Variants in ANO9 observed in about 807,000 individuals in gnomAD.
The protein encoded by ANO9 is anoctamin 9.
ANO9 carries 80 observed loss-of-function variants against 100.5 expected under a neutral mutation model. The observed-to-expected ratio is 0.80, with a 90% confidence interval of 0.66 to 0.96. The LOEUF is 0.96. ANO9 is among the 40% of genes least tolerant of loss of function. The pLI is 0.00. For missense variants in ANO9, 1,064 were observed against 1,072.7 expected (o/e 0.99, Z 0.11); for synonymous variants, 473 against 435.6 (o/e 1.09, Z -1.07).
intron 13 of ANO9, 35 bp from the exon 14 acceptor site, chr11:428,429 C>T (rs1208963996): frequency 1.6e-5 from 26 of 1,612,594 alleles, no homozygotes; most frequent in Non-Finnish European, 1.9e-5. Flanking sequence ...CTCACTGGGG[C>T]TCCGGTGGAC....
intron 15 of ANO9, among the ~76,000 whole-genome samples, chr11:424,290 G>T (rs1324895505): frequency 6.6e-6 from 1 of 152,192 alleles, no homozygotes; most frequent in Non-Finnish European, 1.5e-5. Flanking sequence ...AGTGTAACAT[G>T]AGAAACCAGG....
intron 15 of ANO9, among the ~76,000 whole-genome samples, chr11:426,370 G>A (rs1040657625): frequency 3.3e-5 from 5 of 151,808 alleles, no homozygotes; most frequent in African/African-American, 7.3e-5. Context: ...CCAGGAGTTC[G>A]AGACAAGCCT....
chr11:439,767 G>T (rs890296813), intron 1 of ANO9, among the ~76,000 whole-genome samples: 4 of 152,102 alleles, frequency 2.6e-5, no homozygotes, highest in Non-Finnish European at 4.4e-5. Flanking sequence ...CCCAGCCCAC[G>T]CATCCTCTGA....
At chr11:427,984 A>T (rs1202632662) in intron 15 of ANO9, 104 bp downstream of exon 15, 2 of 83,840 alleles carry the variant, frequency 2.4e-5, no homozygotes, top group Non-Finnish European at 3.5e-5. Flanking sequence ...ACTTGCTCTC[A>T]GCAGAAATTA....
rs982103335 is a variant in ANO9 at position 433,035 on chromosome 11, C to T, written c.350+279G>A. The T allele has an allele frequency of 4.9e-4, 223 of 454,088 alleles. 1 individual carries two copies. In the East Asian group the frequency reaches 8.7e-3, roughly 18 times the overall value. 28.1% of individuals were successfully genotyped at this position (454,088 alleles called of 1,614,324 possible). On this transcript the variant is annotated intron_variant, in intron 4 of 22. Transcript: ENST00000332826. Reference sequence around the variant, plus strand: ...GGGCCTCTGCAAATCCTGCCCAACCCCTAAGGCTGGCTGTGACTGTGTCCC... The same window carrying T: ...GGGCCTCTGCAAATCCTGCCCAACCTCTAAGGCTGGCTGTGACTGTGTCCC...
intron 19 of ANO9, chr11:420,136 C>CA (rs1213022702): frequency 5.2e-6 from 7 of 1,342,214 alleles, no homozygotes; most frequent in African/African-American, 1.5e-5. Context: ...CTGTCCGTCT[C>CA]AGCGTGGCCA....
rs745793151 is a variant in ANO9 at position 421,159 on chromosome 11, G to C, written c.1374C>G (p.Gly458=). ...GACTGACCTCTTCCAGCTTCCACAA[G>C]CCCGCCAGGCGCGTGGACTTCCCGG... The part of the protein sequence containing the change: ...GHPGKSTRLA[G]LWKLEECHAS... Residue 458 remains glycine, a synonymous_variant, in exon 16 of 23, where the codon GGC becomes GGG. Coordinates refer to ENST00000332826, the MANE Select transcript of ANO9 (RefSeq NM_001012302.3). The surrounding 1 kb of genome is among the most constrained non-coding windows in gnomAD (Gnocchi z 6.8). The C allele has an allele frequency of 6.4e-7, 1 of 1,567,074 alleles. No homozygotes were observed. The highest frequency in any genetic ancestry group is 1.8e-5 in the Admixed American group (1 of 56,042).
chr11:435,603 GGTATA>G (rs1394341201), intron 1 of ANO9, among the ~76,000 whole-genome samples: 13 of 12,726 alleles, frequency 1.0e-3, no homozygotes, highest in Non-Finnish European at 1.1e-3. Flanking sequence ...AGCATAATAT[GGTATA>G]GTCTAGTATA....
chr11:433,115 A>G, intron 4 of ANO9, 199 bp downstream of exon 4: 1 of 672,092 alleles, frequency 1.5e-6, no homozygotes, highest in Non-Finnish European at 2.4e-6. Flanking sequence ...GTTGAGAACC[A>G]CCGTGATCCT....
In ANO9 at chr11:419,188, G is replaced by A. The variant is rs912760436; in HGVS notation, c.1935-199C>T. On this transcript the variant is annotated intron_variant, in intron 20 of 22. Transcript: ENST00000332826. Reference sequence around the variant, plus strand: ...CTTGTGGGGACTGTGGGGACTCTGGGCATCACCAGCCACTTTCCCTGCCAG... The same window carrying A: ...CTTGTGGGGACTGTGGGGACTCTGGACATCACCAGCCACTTTCCCTGCCAG... The A allele has an allele frequency of 2.5e-5, 36 of 1,432,718 alleles. No individual in the cohort carries two copies. In the African/African-American group the frequency reaches 5.0e-4, roughly 20 times the overall value. The allele number at this position is 1,432,718 out of a possible 1,614,324, so 88.8% of individuals were successfully genotyped here. A position where few individuals can be genotyped will look rare whatever the true frequency, so the allele number is the denominator to read the frequency against.
In ANO9 at chr11:428,148, A is replaced by G; in HGVS notation, c.1274T>C (p.Phe425Ser). The change falls in exon 15 of 23, where the codon TTC (phenylalanine) becomes TCC (serine). Residue 425 changes from phenylalanine (F) to serine (S), a missense_variant. Phe to Ser is a radical substitution (Grantham distance 155, BLOSUM62 -2). Transcript: ENST00000332826. The part of the protein sequence containing the change: ...ERESRFTIRF[F>S]TLQFFTHFSS... ...GAAATGGGTGAAGAACTGCAGTGTG[A>G]AGAAGCGGATGGTGAACCTGCTCTC... 1.2e-6 allele frequency: 2 copies of G among 1,611,496 alleles called. No homozygotes were observed. The highest frequency in any genetic ancestry group is 1.7e-6 in the Non-Finnish European group (2 of 1,179,580).
chr11:419,405 C>G lies in ANO9; in HGVS notation c.1934+177G>C. 10 of 1,426,650 alleles carry G rather than the reference C, an allele frequency of 7.0e-6. No individual in the cohort carries two copies. The South Asian group carries it at 1.5e-4, about 22-fold the overall frequency. 88.4% of individuals were successfully genotyped at this position (1,426,650 alleles called of 1,614,324 possible). ...GGCCAGTTATCCCTGACCTCCAGCC[C>G]AGGGCCTGCCGTCAGTGGGCGCAGG... is the stretch of plus-strand genomic sequence containing the variant. On this transcript the variant is annotated intron_variant, in intron 20 of 22. Transcript: ENST00000332826.
chr11:420,703 G>A lies in ANO9; in HGVS notation c.1633+15C>T. 1 of 1,604,144 alleles carries A rather than the reference G, an allele frequency of 6.2e-7. No individual in the cohort carries two copies. Among genetic ancestry groups the A allele is most frequent in the Non-Finnish European group, 8.5e-7 (1 of 1,175,674 alleles). ...ATTCGTCTCCGCGAACCCCCGCCCC[G>A]CAGCGCCCACGCACTCATCTCCATG... is the stretch of plus-strand genomic sequence containing the variant. On this transcript the variant is annotated intron_variant, in intron 18 of 22. Coordinates refer to ENST00000332826, the MANE Select transcript of ANO9 (RefSeq NM_001012302.3).
chr11:418,622 C>G (rs1847982408), intron 22 of ANO9, 33 bp from the exon 23 acceptor site: 1 of 1,611,328 alleles, frequency 6.2e-7, no homozygotes, highest in South Asian at 1.1e-5. Context: ...CCAGCACGGT[C>G]AGGTGCCAGC....
chr11:432,577 CTGGA>C lies in ANO9; in HGVS notation c.351-527_351-524del. On this transcript the variant is annotated intron_variant, in intron 4 of 22. Transcript: ENST00000332826. This position sits in a 1 kb window ranked among gnomAD's most constrained non-coding sequence, Gnocchi z 4.8. ...CCCCCTGTGCCTACAGACATGGCTCCTGGACACCCCAGGGCACGTCGCAGGTATG... is the reference window on the plus strand; with the variant it reads ...CCCCCTGTGCCTACAGACATGGCTCCCACCCCAGGGCACGTCGCAGGTATG... 3 of 159,786 alleles carry C rather than the reference CTGGA, an allele frequency of 1.9e-5. No homozygotes were observed. Among genetic ancestry groups the C allele is most frequent in the South Asian group, 1.8e-4 (1 of 5,562 alleles). 9.9% of individuals were successfully genotyped at this position (159,786 alleles called of 1,614,324 possible). A position where few individuals can be genotyped will look rare whatever the true frequency, so the allele number is the denominator to read the frequency against.
At position 428,841 on chromosome 11, in the gene ANO9, G is replaced by A. The variant is rs200005849; in HGVS notation, c.916-15C>T. On this transcript the variant is annotated splice_polypyrimidine_tract_variant and intron_variant, in intron 11 of 22. Coordinates refer to ENST00000332826, the MANE Select transcript of ANO9 (RefSeq NM_001012302.3). ...GCCATTTCCTCCTGGGGAGAGCACCGGGCAAGCCTCAGACAAGGGACACTC... is the reference window on the plus strand; with the variant it reads ...GCCATTTCCTCCTGGGGAGAGCACCAGGCAAGCCTCAGACAAGGGACACTC... The A allele has an allele frequency of 5.3e-5, 85 of 1,611,070 alleles. 1 individual carries two copies. Among genetic ancestry groups the A allele is most frequent in the African/African-American group, 1.9e-4 (14 of 75,012 alleles).
rs1382734697 is a variant in ANO9 at position 433,746 on chromosome 11, A to G, written c.204+69T>C. ...CTCGCTGGGCACCCGCCCCAGCCCC[A>G]TGGCCCTGCCCCTCGCTGGACACCC... On this transcript the variant is annotated intron_variant, in intron 3 of 22. Transcript: ENST00000332826. 1.0e-5 allele frequency: 15 copies of G among 1,492,406 alleles called. No homozygotes were observed. The East Asian group carries it at 2.7e-4, about 27-fold the overall frequency. The allele number at this position is 1,492,406 out of a possible 1,614,324, so 92.4% of individuals were successfully genotyped here.
Position 418,071 on chromosome 11 carries a change from A to C in ANO9, c.*300T>G. 1 of 377,770 alleles carries C rather than the reference A, an allele frequency of 2.6e-6. No homozygotes were observed. Among genetic ancestry groups the C allele is most frequent in the Non-Finnish European group, 4.8e-6 (1 of 209,862 alleles). 23.4% of individuals were successfully genotyped at this position (377,770 alleles called of 1,614,324 possible). ...CCCAGAAGTCAGAGGGAGGCCCAGGAAATTTGCGCCAGTTTTCCTGCCTTG... is the reference window on the plus strand; with the variant it reads ...CCCAGAAGTCAGAGGGAGGCCCAGGCAATTTGCGCCAGTTTTCCTGCCTTG... On this transcript the variant is annotated 3_prime_UTR_variant, in exon 23 of 23. Transcript: ENST00000332826.
At position 431,694 on chromosome 11, in the gene ANO9, C is replaced by T; in HGVS notation, c.539G>A (p.Arg180Lys). The T allele has an allele frequency of 2.5e-6, 4 of 1,612,390 alleles. No individual in the cohort carries two copies. Among genetic ancestry groups the T allele is most frequent in the Non-Finnish European group, 3.4e-6 (4 of 1,179,472 alleles). Residue 180 changes from arginine (R) to lysine (K), a missense_variant and splice_region_variant, in exon 7 of 23, where the codon AGG becomes AAG. By Grantham distance (26) the Arg-to-Lys change is conservative. Coordinates refer to ENST00000332826, the MANE Select transcript of ANO9 (RefSeq NM_001012302.3). Reference sequence around the variant, plus strand: ...CTGTGCTCTCTTTGGGCAGCGTTACCTGATTTCATCAACTGGCTGCTCCCG... The same window carrying T: ...CTGTGCTCTCTTTGGGCAGCGTTACTTGATTTCATCAACTGGCTGCTCCCG... ...MFREQPVDEI[R>K]NYFGEKVALY...
Sources: allele counts gnomAD v4.1 joint callset (sites outside exome capture counted in the v4.1 genomes callset), GRCh38; gene constraint gnomAD v4.1.1; non-coding constraint Gnocchi (gnomAD v3.1); transcripts MANE v1.5; gene names NCBI Gene and HGNC (gene_info 2026-07-23, HGNC 2026-07-21).